SRGAP2B: variants seen among roughly 807,000 people sequenced by gnomAD.
The protein encoded by SRGAP2B is SLIT-ROBO Rho GTPase activating protein 2B.
Under a neutral mutation model 22.2 loss-of-function variants are expected in SRGAP2B, and 9 were observed. The observed-to-expected ratio is 0.41, with a 90% CI of 0.24 to 0.71. The LOEUF is 0.71. Ranked by LOEUF, SRGAP2B falls within the 30% of genes least tolerant of loss-of-function variation. SRGAP2B has a pLI of 0.35. For synonymous variants in SRGAP2B, 36 were observed against 87.4 expected, an observed-to-expected ratio of 0.41 and a Z score of 3.28; for missense variants, 114 against 235.8, an observed-to-expected ratio of 0.48 and a Z score of 3.38.
intron 2 of SRGAP2B, among the ~76,000 whole-genome samples, chr1:145,023,122 G>A (rs1281052332): frequency 2.7e-5 from 4 of 146,386 alleles, no homozygotes; most frequent in Admixed American, 1.4e-4. Flanking sequence ...AGCAGAGATC[G>A]CGCCACTGCA....
intron 3 of SRGAP2B, among the ~76,000 whole-genome samples, chr1:144,982,195 T>TA (rs1341667194): frequency 7.3e-6 from 1 of 137,834 alleles, no homozygotes; most frequent in African/African-American, 2.7e-5. Context: ...AGGATAGGGA[T>TA]AATAGTTGCT....
chr1:144,976,011 C>A (rs1261118896), intron 3 of SRGAP2B, among the ~76,000 whole-genome samples: 1 of 149,230 alleles, frequency 6.7e-6, no homozygotes, highest in Non-Finnish European at 1.5e-5. Context: ...GTAGCTGGGA[C>A]CACAGGCGCC....
intron 3 of SRGAP2B, among the ~76,000 whole-genome samples, chr1:144,993,429 G>A (rs1670418453): frequency 2.0e-5 from 3 of 150,584 alleles, no homozygotes; most frequent in Admixed American, 2.0e-4. Flanking sequence ...GGCTGGGTGT[G>A]GTGGCTCACA....
At chr1:144,995,224 A>C (rs1670591405) in intron 2 of SRGAP2B, 24 bp from the exon 3 acceptor site, 1 of 652,952 alleles carries the variant, frequency 1.5e-6, no homozygotes, top group Non-Finnish European at 2.4e-6. Flanking sequence ...AAGAGAAGAC[A>C]GTCAGAAAGA....
intron 4 of SRGAP2B, among the ~76,000 whole-genome samples, chr1:144,934,287 C>T (rs1553606048): frequency 6.7e-6 from 1 of 148,804 alleles, no homozygotes; most frequent in East Asian, 2.0e-4. Flanking sequence ...TACTATAATC[C>T]CAGCTACTCG....
chr1:145,009,567 G>A (rs1191165286), intron 2 of SRGAP2B, among the ~76,000 whole-genome samples: 1 of 144,414 alleles, frequency 6.9e-6, no homozygotes, highest in African/African-American at 2.6e-5. Flanking sequence ...CAGCCTGGGC[G>A]ACAGAGCGAG....
At chr1:144,984,375 A>AAAC (rs1669564626) in intron 3 of SRGAP2B, among the ~76,000 whole-genome samples, 3 of 149,108 alleles carry the variant, frequency 2.0e-5, no homozygotes, top group African/African-American at 2.5e-5. Context: ...CAAAAAAAAA[A>AAAC]AAACAAAAAA....
intron 2 of SRGAP2B, among the ~76,000 whole-genome samples, chr1:145,030,721 A>AAAAT (rs1553625890): frequency 4.1e-4 from 6 of 14,486 alleles, no homozygotes; most frequent in Non-Finnish European, 5.4e-4. Flanking sequence ...AAAAAAAAAA[A>AAAAT]ATATATATAT....
In SRGAP2B at chr1:144,999,030, T is replaced by C. The variant is rs1368763097; in HGVS notation, c.68-3830A>G. On this transcript the variant is annotated intron_variant, in intron 2 of 9. Transcript: ENST00000612199. ...AGAAGAAAGAGGCAATTTAAAAACA[T>C]AGAGGAACTCCTCACAGTTCCCTCA... is the stretch of plus-strand genomic sequence containing the variant. 2.0e-5 allele frequency among the ~76,000 whole-genome samples: 3 copies of C among 150,650 alleles called. 1 individual carries two copies. The highest frequency in any genetic ancestry group is 4.4e-5 in the Non-Finnish European group (3 of 67,936).
chr1:145,031,902 C>A (rs1553626162), intron 2 of SRGAP2B, among the ~76,000 whole-genome samples: 2 of 144,860 alleles, frequency 1.4e-5, no homozygotes. Context: ...AGCCTCTCAG[C>A]TGCCTCTTTA....
chr1:144,950,864 T>C (rs1295138474), intron 4 of SRGAP2B, among the ~76,000 whole-genome samples: 1 of 150,814 alleles, frequency 6.6e-6, no homozygotes, highest in African/African-American at 2.5e-5. Context: ...CTTCTTTTTT[T>C]CTGAGACGAA....
At chr1:144,982,936 ACAC>A (rs1312685937) in intron 3 of SRGAP2B, among the ~76,000 whole-genome samples, 3 of 147,764 alleles carry the variant, frequency 2.0e-5, no homozygotes. Context: ...CCCATGCAAA[ACAC>A]ACCAAAGAAC....
Position 145,064,228 on chromosome 1 carries a change from G to A in SRGAP2B, c.67+28607C>T, listed in dbSNP as rs1316044205. On this transcript the variant is annotated intron_variant, in intron 2 of 9. Transcript: ENST00000612199. Reference sequence around the variant, plus strand: ...ATACTGGAGTCAGCCATGCAGCACTGTCACATGGGGATTCAGGTACCCAGC... The same window carrying A: ...ATACTGGAGTCAGCCATGCAGCACTATCACATGGGGATTCAGGTACCCAGC... Among the ~76,000 whole-genome samples, 32 of 146,228 alleles carry A rather than the reference G, an allele frequency of 2.2e-4. 2 individuals are homozygous for A. The highest frequency in any genetic ancestry group is 4.3e-4 in the Non-Finnish European group (29 of 67,614).
At position 144,971,833 on chromosome 1, in the gene SRGAP2B, A is replaced by G. The variant is rs181098482; in HGVS notation, c.261-16232T>C. On this transcript the variant is annotated intron_variant, in intron 3 of 9. Transcript: ENST00000612199. ...TGAGTGAGGAAACTGAGGCTCAGGG[A>G]GCCTGAGATCACACAGACAGTGGTG... 7.2e-3 allele frequency among the ~76,000 whole-genome samples: 1,086 copies of G among 150,948 alleles called. 27 individuals are homozygous for G. The highest frequency in any genetic ancestry group is 0.01 in the Non-Finnish European group (706 of 67,966).
intron 2 of SRGAP2B, among the ~76,000 whole-genome samples, chr1:145,030,185 C>A (rs1648107733): frequency 6.8e-6 from 1 of 146,934 alleles, no homozygotes; most frequent in African/African-American, 2.6e-5. Context: ...TATTTATTAA[C>A]TTTGTGACAG....
intron 2 of SRGAP2B, among the ~76,000 whole-genome samples, chr1:145,008,438 GT>G (rs1671769276): frequency 7.4e-6 from 1 of 135,936 alleles, no homozygotes; most frequent in South Asian, 2.5e-4. Flanking sequence ...AACTAGAACA[GT>G]CTTCAAACCA....
chr1:144,897,679 CATT>C lies in SRGAP2B; in HGVS notation c.832-345_832-343del, dbSNP rs1473603043. Among the ~76,000 whole-genome samples, 12 of 148,272 alleles carry C rather than the reference CATT, an allele frequency of 8.1e-5. 1 individual carries two copies. Among genetic ancestry groups the C allele is most frequent in the African/African-American group, 3.1e-4 (12 of 38,408 alleles). On this transcript the variant is annotated intron_variant, in intron 7 of 9. Transcript: ENST00000612199. ...CATTTTCAGGTTTATCTGGGGTTGT[CATT>C]ATAACAAAATTCAACAATAAAAATA...
chr1:144,966,441 T>C (rs1668088032), intron 3 of SRGAP2B, among the ~76,000 whole-genome samples: 1 of 147,504 alleles, frequency 6.8e-6, no homozygotes, highest in African/African-American at 2.7e-5. Flanking sequence ...AAGCAAATGC[T>C]GACCGATTTT....
At chr1:144,979,934 G>A (rs1669196795) in intron 3 of SRGAP2B, among the ~76,000 whole-genome samples, 1 of 150,854 alleles carries the variant, frequency 6.6e-6, no homozygotes, top group Non-Finnish European at 1.5e-5. Flanking sequence ...CACAAAAAAT[G>A]GCCTAATACA....
Sources: gnomAD v4.1 joint callset for allele counts (sites outside exome capture counted in the v4.1 genomes callset) on GRCh38, gnomAD v4.1.1 for gene constraint, MANE v1.5 for transcripts, NCBI Gene and HGNC (gene_info 2026-07-23, HGNC 2026-07-21) for gene names.